Variants in ULK4 observed in about 807,000 individuals in gnomAD.
ULK4 encodes inactive serine/threonine-protein kinase ULK4.
In ULK4, 133 loss-of-function variants were observed where a neutral mutation model predicts 160.6. That is an observed-to-expected ratio of 0.83 (90% CI 0.72 to 0.96). The LOEUF is 0.96. ULK4 is among the 40% of genes least tolerant of loss of function. The pLI is 0.00. For synonymous variants in ULK4, 534 were observed against 539.8 expected, an observed-to-expected ratio of 0.99 and a Z score of 0.15; for missense variants, 1,580 against 1,499.5, an observed-to-expected ratio of 1.05 and a Z score of -0.89.
intron 35 of ULK4, among the ~76,000 whole-genome samples, chr3:41,301,317 A>G (rs1023423917): frequency 2.0e-5 from 3 of 150,510 alleles, no homozygotes; most frequent in Admixed American, 6.6e-5. Context: ...ATGCTATTCA[A>G]TCTTTTAAGA....
At chr3:41,703,581 T>A (rs1047578999) in intron 27 of ULK4, among the ~76,000 whole-genome samples, 11 of 150,416 alleles carry the variant, frequency 7.3e-5, no homozygotes, top group African/African-American at 2.7e-4. Flanking sequence ...AAGCTAAATA[T>A]TTACCCCAAA....
intron 31 of ULK4, among the ~76,000 whole-genome samples, chr3:41,572,886 T>A (rs1006899556): frequency 6.6e-6 from 1 of 152,116 alleles, no homozygotes; most frequent in African/African-American, 2.4e-5. Flanking sequence ...CCACTATTAA[T>A]AGCCACATTA....
chr3:41,358,428 C>A (rs1178662383), intron 35 of ULK4, among the ~76,000 whole-genome samples: 1 of 152,092 alleles, frequency 6.6e-6, no homozygotes, highest in African/African-American at 2.4e-5. Context: ...GGGGATAAAG[C>A]AAGCTAAATC....
intron 20 of ULK4, among the ~76,000 whole-genome samples, chr3:41,798,764 T>C (rs1575727614): frequency 6.6e-6 from 1 of 151,224 alleles, no homozygotes; most frequent in African/African-American, 2.4e-5. Context: ...GGGGCAGGGG[T>C]GGTAAATTAA....
At chr3:41,636,119 C>CT (rs2033940589) in intron 30 of ULK4, among the ~76,000 whole-genome samples, 1 of 135,398 alleles carries the variant, frequency 7.4e-6, no homozygotes, top group Non-Finnish European at 1.5e-5. Context: ...TACATAAACT[C>CT]TGAGTGTTAC....
chr3:41,332,420 C>T (rs1045129614), intron 35 of ULK4, among the ~76,000 whole-genome samples: 34 of 152,162 alleles, frequency 2.2e-4, no homozygotes, highest in African/African-American at 8.0e-4. Context: ...CTTTGTGCTA[C>T]AAAAGGATGA....
At chr3:41,713,349 G>A (rs2037166638) in intron 25 of ULK4, among the ~76,000 whole-genome samples, 1 of 152,098 alleles carries the variant, frequency 6.6e-6, no homozygotes, top group Non-Finnish European at 1.5e-5. Context: ...ACAATAATGT[G>A]CACAAGAACT....
At chr3:41,727,372 A>G (rs1434028472) in intron 22 of ULK4, among the ~76,000 whole-genome samples, 1 of 152,258 alleles carries the variant, frequency 6.6e-6, no homozygotes, top group Non-Finnish European at 1.5e-5. Context: ...AAGTCCAATG[A>G]AACAGACAGC....
intron 32 of ULK4, 100 bp from the exon 33 acceptor site, chr3:41,463,353 C>T: frequency 8.4e-7 from 1 of 1,189,706 alleles, no homozygotes; most frequent in East Asian, 2.4e-5. Flanking sequence ...GTTGCATAAA[C>T]CCTAAGCAAT....
At chr3:41,444,550 CTG>C (rs1409819725) in intron 34 of ULK4, among the ~76,000 whole-genome samples, 1 of 152,010 alleles carries the variant, frequency 6.6e-6, no homozygotes, top group Non-Finnish European at 1.5e-5. Flanking sequence ...GTGTTTTTAC[CTG>C]GTTCTAATAT....
intron 30 of ULK4, among the ~76,000 whole-genome samples, chr3:41,636,394 T>C (rs1326976434): frequency 6.6e-6 from 1 of 151,878 alleles, no homozygotes; most frequent in Non-Finnish European, 1.5e-5. Flanking sequence ...AATTAGGTGG[T>C]ATGGTGTCAC....
At chr3:41,535,810 A>T (rs936069506) in intron 32 of ULK4, among the ~76,000 whole-genome samples, 12 of 152,212 alleles carry the variant, frequency 7.9e-5, no homozygotes, top group African/African-American at 2.4e-4. Context: ...CCACATGGGC[A>T]TCCCCTCTGC....
chr3:41,750,063 G>C (rs796174255), intron 22 of ULK4, among the ~76,000 whole-genome samples: 5 of 152,164 alleles, frequency 3.3e-5, no homozygotes, highest in African/African-American at 1.2e-4. Flanking sequence ...AGAGGACTCC[G>C]AGCCTCAACT....
chr3:41,603,497 C>T (rs545436271), intron 31 of ULK4, among the ~76,000 whole-genome samples: 1 of 152,186 alleles, frequency 6.6e-6, no homozygotes, highest in African/African-American at 2.4e-5. Context: ...GCAACAGGAT[C>T]TAACCAACTT....
chr3:41,787,785 CTG>C (rs2040039393), intron 21 of ULK4, among the ~76,000 whole-genome samples: 2 of 152,248 alleles, frequency 1.3e-5, no homozygotes, highest in South Asian at 4.1e-4. Context: ...AAGTAAAAGA[CTG>C]TTTATCACGC....
chr3:41,744,744 C>T (rs185952746), intron 22 of ULK4, among the ~76,000 whole-genome samples: 2 of 151,866 alleles, frequency 1.3e-5, no homozygotes, highest in Non-Finnish European at 2.9e-5. Flanking sequence ...ACATCCCCAA[C>T]AAGCAGCAGA....
intron 21 of ULK4, among the ~76,000 whole-genome samples, chr3:41,761,298 A>G (rs903185325): frequency 2.1e-5 from 3 of 144,066 alleles, no homozygotes; most frequent in African/African-American, 8.1e-5. Flanking sequence ...TATATAATAT[A>G]CACATAAAAT....
chr3:41,289,988 G>A (rs550687230), intron 35 of ULK4, among the ~76,000 whole-genome samples: 2 of 152,238 alleles, frequency 1.3e-5, no homozygotes, highest in East Asian at 1.9e-4. Flanking sequence ...AGATTCTCCT[G>A]TCTCAGCCTC....
At chr3:41,447,907 A>G (rs1413096600) in intron 34 of ULK4, among the ~76,000 whole-genome samples, 1 of 152,132 alleles carries the variant, frequency 6.6e-6, no homozygotes, top group Non-Finnish European at 1.5e-5. Flanking sequence ...GCAATTTTAA[A>G]GCAAGCGAGC....
Sources: gnomAD v4.1 joint callset for allele counts (sites outside exome capture counted in the v4.1 genomes callset) on GRCh38, gnomAD v4.1.1 for gene constraint, MANE v1.5 for transcripts, NCBI Gene and HGNC (gene_info 2026-07-23, HGNC 2026-07-21) for gene names.